Variants in RERE observed in about 807,000 individuals in gnomAD.
RERE encodes the protein arginine-glutamic acid dipeptide repeats, also known as arginine-glutamic acid dipeptide repeats protein.
Under a neutral mutation model 146.1 loss-of-function variants are expected in RERE, and 40 were observed. That is an observed-to-expected ratio of 0.27 (90% CI 0.21 to 0.36). RERE has a LOEUF of 0.36. Ranked by LOEUF, RERE falls within the 10% of genes least tolerant of loss-of-function variation. RERE has a pLI of 1.00. For synonymous variants in RERE, 1,003 were observed against 866.0 expected, an observed-to-expected ratio of 1.16 and a Z score of -2.78; for missense variants, 1,933 against 2,138.7, an observed-to-expected ratio of 0.90 and a Z score of 1.90.
chr1:8,406,338 G>T (rs1398313937), intron 12 of RERE, among the ~76,000 whole-genome samples: 1 of 152,100 alleles, frequency 6.6e-6, no homozygotes, highest in African/African-American at 2.4e-5. Flanking sequence ...CTCCAGAAGT[G>T]CTAAGATTAT....
At chr1:8,662,737 T>C (rs371603970) in intron 1 of RERE, among the ~76,000 whole-genome samples, 2 of 152,028 alleles carry the variant, frequency 1.3e-5, no homozygotes, top group South Asian at 2.1e-4. Context: ...TGTCAGTACT[T>C]AAGCTTAAGG....
chr1:8,407,694 G>C (rs1643488568), intron 12 of RERE, among the ~76,000 whole-genome samples: 1 of 152,130 alleles, frequency 6.6e-6, no homozygotes, highest in African/African-American at 2.4e-5. Context: ...TAGACTTATG[G>C]GGATGACTGC....
At chr1:8,433,577 G>T (rs1452369686) in intron 11 of RERE, among the ~76,000 whole-genome samples, 1 of 134,880 alleles carries the variant, frequency 7.4e-6, no homozygotes, top group Non-Finnish European at 1.6e-5. Flanking sequence ...TTTTTGAGAC[G>T]GAGTCTCGCT....
intron 11 of RERE, among the ~76,000 whole-genome samples, chr1:8,443,838 G>C (rs971437599): frequency 4.6e-5 from 7 of 152,196 alleles, no homozygotes; most frequent in Non-Finnish European, 1.0e-4. Flanking sequence ...GTGGTGTTAA[G>C]TCTGCAGGTG....
intron 1 of RERE, among the ~76,000 whole-genome samples, chr1:8,764,654 T>C (rs1033449796): frequency 6.6e-6 from 1 of 152,118 alleles, no homozygotes; most frequent in Non-Finnish European, 1.5e-5. Context: ...AAGAAAAGAA[T>C]GTTCACCACA....
intron 4 of RERE, among the ~76,000 whole-genome samples, chr1:8,607,294 A>C (rs1319596353): frequency 6.7e-6 from 1 of 150,326 alleles, no homozygotes; most frequent in Non-Finnish European, 1.5e-5. Flanking sequence ...TGGGAGGTTG[A>C]GGCTGCAGTG....
At chr1:8,379,348 C>T (rs1002762074) in intron 12 of RERE, among the ~76,000 whole-genome samples, 6 of 152,130 alleles carry the variant, frequency 3.9e-5, no homozygotes, top group African/African-American at 1.4e-4. Flanking sequence ...GGTCATGCAG[C>T]CCATACTTCA....
At chr1:8,751,030 G>T in intron 1 of RERE, 1 of 616,262 alleles carries the variant, frequency 1.6e-6, no homozygotes, top group African/African-American at 1.8e-5. Context: ...AATGCTTCAA[G>T]GAAGCAAATA....
intron 3 of RERE, among the ~76,000 whole-genome samples, chr1:8,621,552 C>T (rs937896374): frequency 2.8e-4 from 42 of 152,298 alleles, no homozygotes; most frequent in Admixed American, 1.3e-3. Flanking sequence ...AATTTCACCA[C>T]GGCAAAGGGA....
intron 1 of RERE, among the ~76,000 whole-genome samples, chr1:8,702,317 G>A (rs1178267144): frequency 6.6e-6 from 1 of 152,170 alleles, no homozygotes; most frequent in African/African-American, 2.4e-5. Flanking sequence ...CGCCAGGGAC[G>A]CTTAAGGGCT....
chr1:8,393,971 C>A (rs1036029383), intron 12 of RERE, among the ~76,000 whole-genome samples: 1 of 152,142 alleles, frequency 6.6e-6, no homozygotes, highest in Admixed American at 6.6e-5. Flanking sequence ...GGCTGGCCAC[C>A]TCCAATCTCC....
intron 4 of RERE, among the ~76,000 whole-genome samples, chr1:8,559,187 G>A (rs1245558523): frequency 6.8e-6 from 1 of 146,800 alleles, no homozygotes; most frequent in Non-Finnish European, 1.5e-5. Context: ...GGCTGAGGCA[G>A]GAGAATTGCT....
intron 1 of RERE, among the ~76,000 whole-genome samples, chr1:8,666,171 C>CT: frequency 6.6e-6 from 1 of 152,348 alleles, no homozygotes; most frequent in East Asian, 1.9e-4. Flanking sequence ...AAAGAGCAGT[C>CT]TAGGAACATT....
intron 10 of RERE, among the ~76,000 whole-genome samples, chr1:8,490,343 C>CAAAAAAAAAA (rs530925995): frequency 5.3e-5 from 4 of 75,368 alleles, no homozygotes; most frequent in East Asian, 3.9e-4. Context: ...GGCAACATCT[C>CAAAAAAAAAA]AAAAAAAAAA....
At chr1:8,394,226 T>C (rs746086052) in intron 12 of RERE, among the ~76,000 whole-genome samples, 2 of 152,314 alleles carry the variant, frequency 1.3e-5, no homozygotes, top group East Asian at 1.9e-4. Context: ...ACACAATTCA[T>C]CTTGCACACA....
At chr1:8,805,766 G>A (rs1315676471) in intron 1 of RERE, 1 of 151,198 alleles carries the variant, frequency 6.6e-6, no homozygotes, top group African/African-American at 2.4e-5. Flanking sequence ...GGCAAAAGTT[G>A]CAGTGAGCCA....
chr1:8,740,551 CTTT>C (rs1419368274), intron 1 of RERE, among the ~76,000 whole-genome samples: 2 of 152,148 alleles, frequency 1.3e-5, no homozygotes, highest in African/African-American at 4.8e-5. Flanking sequence ...ATTTTTAAAA[CTTT>C]TTGACTCTTA....
At chr1:8,515,503 C>T (rs936020772) in intron 7 of RERE, among the ~76,000 whole-genome samples, 2 of 151,968 alleles carry the variant, frequency 1.3e-5, no homozygotes, top group African/African-American at 2.4e-5. Context: ...TGGTGGCAGG[C>T]GCCTGTAGTC....
At chr1:8,647,823 G>A (rs990021355) in intron 2 of RERE, among the ~76,000 whole-genome samples, 6 of 152,138 alleles carry the variant, frequency 3.9e-5, no homozygotes, top group Non-Finnish European at 2.9e-5. Flanking sequence ...ACAGACCTCA[G>A]TGAAGACGCA....
Sources: allele counts gnomAD v4.1 joint callset (sites outside exome capture counted in the v4.1 genomes callset), GRCh38; gene constraint gnomAD v4.1.1; transcripts MANE v1.5; gene names NCBI Gene and HGNC (gene_info 2026-07-23, HGNC 2026-07-21).